Variants in PPP6C observed in about 807,000 individuals in gnomAD.
PPP6C encodes serine/threonine-protein phosphatase 6 catalytic subunit.
Under a neutral mutation model 39.8 loss-of-function variants are expected in PPP6C, and 11 were observed. The observed-to-expected ratio is 0.28, with a 90% CI of 0.17 to 0.46. The LOEUF is 0.46. PPP6C is among the 20% of genes least tolerant of loss of function. The probability of loss-of-function intolerance (pLI) is 1.00; values close to 1 mark genes in which losing one functional copy is unlikely to be tolerated. For missense variants in PPP6C, 211 were observed against 373.9 expected, an observed-to-expected ratio of 0.56 and a Z score of 3.59; for synonymous variants, 129 against 130.3, an observed-to-expected ratio of 0.99 and a Z score of 0.07.
At chr9:125,176,093 C>T (rs1588292226) in intron 1 of PPP6C, among the ~76,000 whole-genome samples, 2 of 152,048 alleles carry the variant, frequency 1.3e-5, no homozygotes, top group East Asian at 3.9e-4. Flanking sequence ...TTGAGCAAAA[C>T]TCTAAAGGAG....
chr9:125,162,948 G>C (rs1172011764), intron 2 of PPP6C, among the ~76,000 whole-genome samples: 1 of 150,532 alleles, frequency 6.6e-6, no homozygotes, highest in Non-Finnish European at 1.5e-5. Context: ...CGTGGCGGCG[G>C]GCACCTGTAG....
rs1349509785 is a variant in PPP6C, at chr9:125,149,762, C to T, written c.829G>A (p.Val277Ile). 1 of 1,614,194 alleles carries T rather than the reference C, an allele frequency of 6.2e-7. No individual in the cohort carries two copies. Among genetic ancestry groups the T allele is most frequent in the Non-Finnish European group, 8.5e-7 (1 of 1,180,038 alleles). The change falls in exon 7 of 7, where the codon GTA becomes ATA. Residue 277 changes from valine (V) to isoleucine (I), a missense_variant. By Grantham distance (29) the Val-to-Ile change is conservative. Around this residue, in one of 2 missense-constraint regions of PPP6C, gnomAD observed 168 missense variants for 342.6 expected, o/e 0.49. Transcript: ENST00000373547. ...AATAACTTTGGTTCTCTTGTATTTACATCTTTGAAGACCATGATCGAAGCA... is the reference window on the plus strand; with the variant it reads ...AATAACTTTGGTTCTCTTGTATTTATATCTTTGAAGACCATGATCGAAGCA... The part of the protein sequence containing the change: ...NIASIMVFKD[V>I]NTREPKLFRA...
In PPP6C at chr9:125,149,910, G is replaced by C. The variant is rs1389342425; in HGVS notation, c.681C>G (p.Ile227Met). ...GAKVTNEFVH[I>M]NNLKLICRAH... ...CTCTGCAGATGAGTTTTAAGTTGTT[G>C]ATATGAACAAACTGCAATTTAGAAA... The change falls in exon 7 of 7, where the codon ATC becomes ATG. Residue 227 changes from isoleucine to methionine, a missense_variant. Ile to Met is a conservative substitution (Grantham distance 10). This residue lies in a region of PPP6C where 168 missense variants were observed against 342.6 expected (regional missense o/e 0.49). Transcript: ENST00000373547. The C allele has an allele frequency of 1.9e-6, 3 of 1,613,374 alleles. No homozygotes were observed. The highest frequency in any genetic ancestry group is 1.7e-5 in the Admixed American group (1 of 59,978).
chr9:125,170,061 T>C (rs1829110511), intron 2 of PPP6C, among the ~76,000 whole-genome samples: 1 of 152,158 alleles, frequency 6.6e-6, no homozygotes, highest in African/African-American at 2.4e-5. Context: ...AAGACTACAT[T>C]GTTTGCAATG....
At chr9:125,187,728 C>A (rs571366342) in intron 1 of PPP6C, among the ~76,000 whole-genome samples, 118 of 151,968 alleles carry the variant, frequency 7.8e-4, no homozygotes, top group Non-Finnish European at 4.0e-4. Flanking sequence ...ACTAAGAGGT[C>A]TGGTTAGTTT....
intron 1 of PPP6C, among the ~76,000 whole-genome samples, chr9:125,189,149 C>G (rs543157549): frequency 4.3e-4 from 65 of 152,288 alleles, no homozygotes; most frequent in African/African-American, 1.3e-3. Context: ...CCAAACCACT[C>G]GGGCCCACCG....
At chr9:125,165,790 T>C (rs144589178) in intron 2 of PPP6C, among the ~76,000 whole-genome samples, 2 of 137,956 alleles carry the variant, frequency 1.4e-5, no homozygotes, top group African/African-American at 5.6e-5. Flanking sequence ...AACAGTAATC[T>C]TTTGCTTTTT....
Position 125,148,617 on chromosome 9 carries a change from A to G in PPP6C, c.*1056T>C, listed in dbSNP as rs1203996002. The G allele has an allele frequency of 6.6e-6, 1 of 152,210 alleles. No homozygotes were observed. The highest frequency in any genetic ancestry group is 6.5e-5 in the Admixed American group (1 of 15,278). The allele number at this position is 152,210 out of a possible 1,614,324, so 9.4% of individuals were successfully genotyped here. ...TGCAGTTTAAAAATGAACACTTTCT[A>G]AAAGTTAAGGTCAAGTGTTACAGCA... On this transcript the variant is annotated 3_prime_UTR_variant, in exon 7 of 7. Transcript: ENST00000373547.
At chr9:125,186,863 ACTTC>A (rs1829540430) in intron 1 of PPP6C, among the ~76,000 whole-genome samples, 1 of 151,608 alleles carries the variant, frequency 6.6e-6, no homozygotes, top group South Asian at 2.1e-4. Context: ...TAAAAATTGT[ACTTC>A]CTTAAGGTAA....
chr9:125,188,960 G>C (rs916917699), intron 1 of PPP6C: 4 of 1,545,534 alleles, frequency 2.6e-6, no homozygotes, highest in Admixed American at 2.0e-5. Flanking sequence ...GAGTTAAGAA[G>C]GGGTTAAGGA....
In PPP6C at chr9:125,147,401, T is replaced by C. The variant is rs1564142968; in HGVS notation, c.*2272A>G. ...CTTGCAAGTATCTTCCACCACATGA[T>C]AACTCTATATAGTACATATAGTACA... On this transcript the variant is annotated 3_prime_UTR_variant, in exon 7 of 7. Transcript: ENST00000373547. 1 of 152,228 alleles carries C rather than the reference T, an allele frequency of 6.6e-6. No individual in the cohort carries two copies. The highest frequency in any genetic ancestry group is 2.4e-5 in the African/African-American group (1 of 41,456). The allele number at this position is 152,228 out of a possible 1,614,324, so 9.4% of individuals were successfully genotyped here. A position where few individuals can be genotyped will look rare whatever the true frequency, so the allele number is the denominator to read the frequency against.
chr9:125,162,263 G>A (rs1018762597), intron 2 of PPP6C, among the ~76,000 whole-genome samples: 20 of 151,812 alleles, frequency 1.3e-4, no homozygotes, highest in Admixed American at 2.6e-4. Flanking sequence ...TTCAAGACCA[G>A]CTTAGCCAAT....
intron 2 of PPP6C, among the ~76,000 whole-genome samples, chr9:125,163,185 A>T (rs1828926227): frequency 6.6e-6 from 1 of 152,232 alleles, no homozygotes; most frequent in Admixed American, 6.5e-5. Flanking sequence ...CAAGGACCTT[A>T]TGAGGCCATG....
chr9:125,182,048 G>T (rs1829432032), intron 1 of PPP6C, among the ~76,000 whole-genome samples: 2 of 152,132 alleles, frequency 1.3e-5, no homozygotes, highest in South Asian at 2.1e-4. Context: ...TTTCTTTAAT[G>T]ACCAGTGCTC....
intron 5 of PPP6C, 69 bp downstream of exon 5, chr9:125,153,837 C>A (rs181504514): frequency 6.5e-7 from 1 of 1,526,740 alleles, no homozygotes; most frequent in East Asian, 2.3e-5. Context: ...ATTGAGATGA[C>A]AACTAGATAA....
At chr9:125,189,583 G>C (rs1029490355) in intron 1 of PPP6C, 61 bp downstream of exon 1, 1 of 1,608,136 alleles carries the variant, frequency 6.2e-7, no homozygotes, top group South Asian at 1.1e-5. Context: ...CCTGGAGAAA[G>C]GAAGGGCCGG....
chr9:125,173,307 G>C (rs1829215444), intron 1 of PPP6C, among the ~76,000 whole-genome samples: 2 of 150,636 alleles, frequency 1.3e-5, no homozygotes, highest in Admixed American at 1.3e-4. Flanking sequence ...AGCTGAGGCT[G>C]AGGCAGGAGA....
At chr9:125,150,887 T>C (rs932439918) in intron 6 of PPP6C, 1 of 854,916 alleles carries the variant, frequency 1.2e-6, no homozygotes, top group African/African-American at 1.7e-5. Flanking sequence ...GCAAGACTGC[T>C]TCAGCGAGCC....
rs757703712 is a variant in PPP6C, at chr9:125,189,749, C to T, written c.-31G>A. ...GAATAACAAGCCGCGGCAACAGCGG[C>T]GGCGGCGGCTGTAGCAGCGGCGGCG... is the stretch of plus-strand genomic sequence containing the variant. On this transcript the variant is annotated 5_prime_UTR_variant, in exon 1 of 7. Coordinates refer to ENST00000373547, the MANE Select transcript of PPP6C (RefSeq NM_002721.5). 3 of 1,559,892 alleles carry T rather than the reference C, an allele frequency of 1.9e-6. No individual in the cohort carries two copies. The highest frequency in any genetic ancestry group is 2.6e-6 in the Non-Finnish European group (3 of 1,156,838).
Sources: allele counts gnomAD v4.1 joint callset (sites outside exome capture counted in the v4.1 genomes callset), GRCh38; gene constraint gnomAD v4.1.1; regional missense constraint gnomAD v4.1.1; transcripts MANE v1.5; gene names NCBI Gene and HGNC (gene_info 2026-07-23, HGNC 2026-07-21).